Variants in UGT1A9 observed in about 807,000 individuals in gnomAD.
UGT1A9 encodes the protein UDP glucuronosyltransferase family 1 member A9, also known as UDP-glucuronosyltransferase 1A9.
UGT1A9 carries 35 observed loss-of-function variants against 45.0 expected under a neutral mutation model. The observed-to-expected ratio is 0.78, with a 90% CI of 0.59 to 1.03. UGT1A9 has a LOEUF of 1.03. Among genes scored for constraint, UGT1A9 ranks in the 50% least tolerant of loss-of-function variants. The probability of loss-of-function intolerance (pLI) is 0.00; values close to 1 mark genes in which losing one functional copy is unlikely to be tolerated. For synonymous variants in UGT1A9, 278 were observed against 250.6 expected, an observed-to-expected ratio of 1.11 and a Z score of -1.03; for missense variants, 687 against 666.6, an observed-to-expected ratio of 1.03 and a Z score of -0.34.
chr2:233,672,384 T>A lies in UGT1A9; in HGVS notation c.450T>A (p.Phe150Leu). The A allele has an allele frequency of 1.2e-6, 2 of 1,614,158 alleles. No individual in the cohort carries two copies. The highest frequency in any genetic ancestry group is 2.2e-5 in the South Asian group (2 of 91,084). ...SSFDAVFLDP[F>L]DNCGLIVAKY... ...TTGATGCAGTGTTTCTCGATCCTTTTGATAACTGTGGCTTAATTGTTGCCA... is the reference window on the plus strand; with the variant it reads ...TTGATGCAGTGTTTCTCGATCCTTTAGATAACTGTGGCTTAATTGTTGCCA... The change falls in exon 1 of 5, where the codon TTT becomes TTA. Residue 150 changes from phenylalanine (F) to leucine (L), a missense_variant. Phe to Leu is a conservative substitution (Grantham distance 22, BLOSUM62 0). Transcript: ENST00000354728.
chr2:233,743,340 A>AGTCGAC, intron 1 of UGT1A9: 1 of 778,214 alleles, frequency 1.3e-6, no homozygotes, highest in Non-Finnish European at 2.0e-6. Flanking sequence ...TTTCAGTGGA[A>AGTCGAC]GTCGACATGG....
chr2:233,685,524 C>G lies in UGT1A9; in HGVS notation c.855+12735C>G, dbSNP rs535145479. 1.7e-3 allele frequency among the ~76,000 whole-genome samples: 266 copies of G among 152,298 alleles called. 1 individual carries two copies. Among genetic ancestry groups the G allele is most frequent in the African/African-American group, 6.3e-3 (261 of 41,558 alleles). ...CAGCAAGAAAAGATCTATGCTTTCCCCATTGCTCTCGCATTCTGTTTTTGA... is the reference window on the plus strand; with the variant it reads ...CAGCAAGAAAAGATCTATGCTTTCCGCATTGCTCTCGCATTCTGTTTTTGA... On this transcript the variant is annotated intron_variant, in intron 1 of 4. Transcript: ENST00000354728.
chr2:233,768,296 C>T lies in UGT1A9; in HGVS notation c.1152C>T (p.Pro384=), dbSNP rs763217521. 13 of 1,614,024 alleles carry T rather than the reference C, an allele frequency of 8.1e-6. No homozygotes were observed. In the African/African-American group the frequency reaches 1.1e-4, roughly 13 times the overall value. ...GVYESICNGV[P]MVMMPLFGDQ... is the part of the protein sequence containing the mutation. The stretch of plus-strand genomic sequence containing the variant: ...ATGAAAGCATATGCAATGGCGTTCC[C>T]ATGGTGATGATGCCCTTGTTTGGTG... Residue 384 remains proline (P), a synonymous_variant, in exon 4 of 5, where the codon CCC becomes CCT. Coordinates refer to ENST00000354728, the MANE Select transcript of UGT1A9 (RefSeq NM_021027.3).
chr2:233,676,020 C>A (rs1046214466), intron 1 of UGT1A9, among the ~76,000 whole-genome samples: 4 of 152,150 alleles, frequency 2.6e-5, no homozygotes, highest in Non-Finnish European at 5.9e-5. Flanking sequence ...CAGAAATAAA[C>A]CCATACATAT....
At chr2:233,707,836 T>C (rs2075990363) in intron 1 of UGT1A9, among the ~76,000 whole-genome samples, 1 of 152,212 alleles carries the variant, frequency 6.6e-6, no homozygotes, top group Non-Finnish European at 1.5e-5. Context: ...TTTAATAAGA[T>C]GTAACTATTT....
chr2:233,725,053 GGC>G (rs1559369994), intron 1 of UGT1A9, among the ~76,000 whole-genome samples: 2 of 147,608 alleles, frequency 1.4e-5, no homozygotes, highest in African/African-American at 5.1e-5. Flanking sequence ...CAGGCGTGGC[GGC>G]GCGCGCCTGC....
At chr2:233,748,842 G>A (rs562838283) in intron 1 of UGT1A9, among the ~76,000 whole-genome samples, 4 of 151,506 alleles carry the variant, frequency 2.6e-5, no homozygotes, top group South Asian at 2.1e-4. Context: ...ATAAAACTGT[G>A]AGCGTATAAG....
At chr2:233,745,468 A>C (rs991715539) in intron 1 of UGT1A9, among the ~76,000 whole-genome samples, 2 of 151,704 alleles carry the variant, frequency 1.3e-5, no homozygotes, top group African/African-American at 4.9e-5. Context: ...TCTAAGGGGA[A>C]AATGATTAAC....
At position 233,764,579 on chromosome 2, in the gene UGT1A9, G is replaced by A. The variant is rs530578816; in HGVS notation, c.856-2455G>A. Among the ~76,000 whole-genome samples, 7 of 152,190 alleles carry A rather than the reference G, an allele frequency of 4.6e-5. No individual in the cohort carries two copies. The East Asian group carries it at 1.2e-3, about 25-fold the overall frequency. On this transcript the variant is annotated intron_variant, in intron 1 of 4. Transcript: ENST00000354728. ...TGTGCCTGGAGGAGAACTTAGACTC[G>A]GCCTTTTCCAGATGAGCTTCAGTGT...
At chr2:233,747,180 G>A in intron 1 of UGT1A9, 1 of 1,601,796 alleles carries the variant, frequency 6.2e-7, no homozygotes, top group South Asian at 1.1e-5. Flanking sequence ...CACAGCGTGG[G>A]GTGGACAGTC....
chr2:233,689,817 A>T, intron 1 of UGT1A9: 3 of 442,316 alleles, frequency 6.8e-6, no homozygotes, highest in South Asian at 4.9e-5. Flanking sequence ...GAAACCAAAC[A>T]TCTCTGGACT....
chr2:233,719,372 C>T lies in UGT1A9; in HGVS notation c.855+46583C>T, dbSNP rs374656877. 246 of 1,613,844 alleles carry T rather than the reference C, an allele frequency of 1.5e-4. No individual in the cohort carries two copies. In the Middle Eastern group the frequency reaches 2.5e-3, roughly 16 times the overall value. ...TTCCATGTGACTTAGACTTTAAGGG[C>T]ACACAGTGTCCAAATCCTTCCTCCT... is the stretch of plus-strand genomic sequence containing the variant. On this transcript the variant is annotated intron_variant, in intron 1 of 4. Coordinates refer to ENST00000354728, the MANE Select transcript of UGT1A9 (RefSeq NM_021027.3).
At position 233,680,264 on chromosome 2, in the gene UGT1A9, A is replaced by C. The variant is rs28970017; in HGVS notation, c.855+7475A>C. Among the ~76,000 whole-genome samples the C allele has an allele frequency of 1.2e-3, 190 of 152,334 alleles. 1 individual carries two copies. In the East Asian group the frequency reaches 0.017, roughly 13 times the overall value. On this transcript the variant is annotated intron_variant, in intron 1 of 4. Coordinates refer to ENST00000354728, the MANE Select transcript of UGT1A9 (RefSeq NM_021027.3). ...AAAATTACACTAAACATGATGAAAA[A>C]TACAGTAGAACCATAAGAGATCATT... is the stretch of plus-strand genomic sequence containing the variant.
chr2:233,693,457 A>G, intron 1 of UGT1A9: 1 of 1,614,086 alleles, frequency 6.2e-7, no homozygotes, highest in African/African-American at 1.3e-5. Context: ...TCACAGACCC[A>G]GCCTTACCCT....
chr2:233,676,038 T>G (rs1166696549), intron 1 of UGT1A9, among the ~76,000 whole-genome samples: 1 of 152,202 alleles, frequency 6.6e-6, no homozygotes, highest in African/African-American at 2.4e-5. Flanking sequence ...TATACATCCT[T>G]GGCCAATTGA....
intron 1 of UGT1A9, among the ~76,000 whole-genome samples, chr2:233,744,613 C>G (rs1692866168): frequency 6.6e-6 from 1 of 151,808 alleles, no homozygotes; most frequent in South Asian, 2.1e-4. Context: ...GTACTTGGCT[C>G]TATAGAGAGG....
At chr2:233,705,964 C>T (rs2075881795) in intron 1 of UGT1A9, among the ~76,000 whole-genome samples, 1 of 152,112 alleles carries the variant, frequency 6.6e-6, no homozygotes, top group Non-Finnish European at 1.5e-5. Context: ...AGGTGCATGC[C>T]TGTGGTTCCG....
intron 1 of UGT1A9, among the ~76,000 whole-genome samples, chr2:233,725,666 T>C (rs1346246922): frequency 6.6e-6 from 1 of 152,182 alleles, no homozygotes; most frequent in Non-Finnish European, 1.5e-5. Context: ...CAATTTGGAA[T>C]AGTCACATTT....
chr2:233,756,820 AG>A, intron 1 of UGT1A9, among the ~76,000 whole-genome samples: 1 of 152,190 alleles, frequency 6.6e-6, no homozygotes, highest in African/African-American at 2.4e-5. Context: ...CTCAATTCCA[AG>A]GGGAAAATGA....
Sources: allele counts gnomAD v4.1 joint callset (sites outside exome capture counted in the v4.1 genomes callset), GRCh38; gene constraint gnomAD v4.1.1; transcripts MANE v1.5; gene names NCBI Gene and HGNC (gene_info 2026-07-23, HGNC 2026-07-21).